The following CSMD3 variants were observed in gnomAD, a reference collection of about 807,000 sequenced individuals.
CSMD3 encodes CUB and sushi domain-containing protein 3.
In CSMD3, 177 loss-of-function variants were observed where a neutral mutation model predicts 435.2. That is an observed-to-expected ratio of 0.41 (90% confidence interval 0.36 to 0.46). CSMD3 has a LOEUF of 0.46. CSMD3 is among the 20% of genes least tolerant of loss of function. The pLI, the probability that CSMD3 is intolerant of heterozygous loss-of-function variation, is 0.34. For missense variants in CSMD3, 4,265 were observed against 4,504.6 expected (o/e 0.95, Z 1.52); for synonymous variants, 1,656 against 1,520.5 (o/e 1.09, Z -2.07).
At chr8:113,129,515 G>C (rs2091230233) in intron 4 of CSMD3, among the ~76,000 whole-genome samples, 2 of 152,084 alleles carry the variant, frequency 1.3e-5, no homozygotes, top group Admixed American at 1.3e-4. Context: ...AATTTGTCAT[G>C]CAATTCTCAT....
chr8:112,309,056 A>G (rs945841166), intron 50 of CSMD3, among the ~76,000 whole-genome samples: 1 of 152,062 alleles, frequency 6.6e-6, no homozygotes, highest in African/African-American at 2.4e-5. Flanking sequence ...CATGATTTAC[A>G]TATATTTTAT....
chr8:113,184,028 A>G (rs868034112), intron 3 of CSMD3, among the ~76,000 whole-genome samples: 1 of 151,986 alleles, frequency 6.6e-6, no homozygotes, highest in East Asian at 1.9e-4. Context: ...CACCAGGCAA[A>G]AGTCTGGGCC....
At chr8:112,482,663 T>C (rs1819743660) in intron 31 of CSMD3, among the ~76,000 whole-genome samples, 1 of 152,224 alleles carries the variant, frequency 6.6e-6, no homozygotes, top group Non-Finnish European at 1.5e-5. Flanking sequence ...ACATAGTTGA[T>C]GTCTTACTGC....
intron 4 of CSMD3, among the ~76,000 whole-genome samples, chr8:113,116,545 C>A (rs55741353): frequency 0.096 from 14,679 of 152,154 alleles, 911 homozygotes; most frequent in Middle Eastern, 0.17. Flanking sequence ...TTAATTGGTA[C>A]AGGGAGCGGG....
chr8:113,430,648 G>A (rs2094666663), intron 1 of CSMD3, among the ~76,000 whole-genome samples: 1 of 152,160 alleles, frequency 6.6e-6, no homozygotes, highest in African/African-American at 2.4e-5. Flanking sequence ...GTTTTTAGAG[G>A]ATGCTGGTAC....
intron 13 of CSMD3, among the ~76,000 whole-genome samples, chr8:112,741,822 T>C (rs1215912136): frequency 6.6e-6 from 1 of 151,756 alleles, no homozygotes; most frequent in Admixed American, 6.6e-5. Flanking sequence ...GATAGATAGA[T>C]AGATAACACA....
At chr8:112,671,948 CATTT>C (rs1176191279) in intron 16 of CSMD3, among the ~76,000 whole-genome samples, 2 of 151,924 alleles carry the variant, frequency 1.3e-5, no homozygotes, top group Non-Finnish European at 2.9e-5. Flanking sequence ...ATTAAATAAA[CATTT>C]AGTTTCTGCT....
At position 112,649,884 on chromosome 8, in the gene CSMD3, A is replaced by G. The variant is rs1487463423; in HGVS notation, c.3193+277T>C. Among the ~76,000 whole-genome samples the G allele has an allele frequency of 2.0e-5, 3 of 152,148 alleles. No homozygotes were observed. In the East Asian group the frequency reaches 5.8e-4, roughly 29 times the overall value. ...TCAAGGCTGTTTTGAAAAGGTCCAC[A>G]GCATGTTCTTAAAATAGTTACACAG... On this transcript the variant is annotated intron_variant, in intron 19 of 70. Coordinates refer to ENST00000297405, the MANE Select transcript of CSMD3 (RefSeq NM_198123.2).
intron 45 of CSMD3, among the ~76,000 whole-genome samples, chr8:112,332,879 G>A (rs778753148): frequency 2.0e-5 from 3 of 152,042 alleles, no homozygotes; most frequent in African/African-American, 4.8e-5. Flanking sequence ...TTCTCAAAAC[G>A]TCTCCTCAGC....
intron 31 of CSMD3, among the ~76,000 whole-genome samples, chr8:112,476,813 G>C (rs1819099950): frequency 6.6e-6 from 1 of 152,098 alleles, no homozygotes; most frequent in South Asian, 2.1e-4. Flanking sequence ...AACCTTATGT[G>C]ATTTATCAGC....
chr8:112,500,211 A>C (rs2130897200), intron 30 of CSMD3, among the ~76,000 whole-genome samples: 1 of 152,320 alleles, frequency 6.6e-6, no homozygotes, highest in Non-Finnish European at 1.5e-5. Flanking sequence ...AAGCAATACT[A>C]ATAAAAATAT....
chr8:112,435,666 T>G (rs2130445812), intron 32 of CSMD3, among the ~76,000 whole-genome samples: 1 of 152,116 alleles, frequency 6.6e-6, no homozygotes, highest in African/African-American at 2.4e-5. Flanking sequence ...TTCACAGCAG[T>G]TAGTGGAATG....
intron 6 of CSMD3, among the ~76,000 whole-genome samples, chr8:112,992,677 G>A (rs1042701239): frequency 1.3e-5 from 2 of 151,830 alleles, no homozygotes; most frequent in African/African-American, 4.8e-5. Context: ...GCTATTGTAA[G>A]AAGTTTGGGT....
chr8:112,890,390 C>T (rs2081748952), intron 10 of CSMD3, among the ~76,000 whole-genome samples: 1 of 151,682 alleles, frequency 6.6e-6, no homozygotes, highest in Non-Finnish European at 1.5e-5. Flanking sequence ...GGTAACATTA[C>T]TTTTTTTCTT....
At chr8:112,586,627 G>A (rs888451465) in intron 23 of CSMD3, among the ~76,000 whole-genome samples, 2 of 150,522 alleles carry the variant, frequency 1.3e-5, no homozygotes, top group Admixed American at 6.6e-5. Flanking sequence ...GATTCTTCAC[G>A]TATTAACAAA....
intron 21 of CSMD3, among the ~76,000 whole-genome samples, chr8:112,638,380 T>A (rs939292227): frequency 6.6e-6 from 1 of 151,110 alleles, no homozygotes; most frequent in African/African-American, 2.4e-5. Context: ...ATTTTGTGTT[T>A]ACTAGGCATT....
At chr8:112,617,723 T>C (rs1284545791) in intron 22 of CSMD3, among the ~76,000 whole-genome samples, 7 of 152,178 alleles carry the variant, frequency 4.6e-5, no homozygotes, top group African/African-American at 1.4e-4. Context: ...ATTTCAATGA[T>C]TATGATTTTT....
chr8:112,344,069 A>T (rs1241613263), intron 41 of CSMD3, among the ~76,000 whole-genome samples: 1 of 152,046 alleles, frequency 6.6e-6, no homozygotes, highest in Non-Finnish European at 1.5e-5. Context: ...TTTTTAATAG[A>T]GATGAGGTTT....
intron 7 of CSMD3, 115 bp downstream of exon 7, chr8:112,975,722 T>C (rs1195997231): frequency 9.8e-6 from 15 of 1,530,768 alleles, no homozygotes; most frequent in African/African-American, 1.4e-5. Flanking sequence ...CTTTGAACTT[T>C]TTCTTTTGCT....
Sources: allele counts gnomAD v4.1 joint callset (sites outside exome capture counted in the v4.1 genomes callset), GRCh38; gene constraint gnomAD v4.1.1; transcripts MANE v1.5; gene names NCBI Gene and HGNC (gene_info 2026-07-23, HGNC 2026-07-21).